The following SPPL3 variants were observed in gnomAD, a reference collection of about 807,000 sequenced individuals.
SPPL3 encodes signal peptide peptidase like 3.
SPPL3 carries 5 observed loss-of-function variants against 42.4 expected under a neutral mutation model. The observed-to-expected ratio is 0.12, with a 90% CI of 0.06 to 0.25. The LOEUF (loss-of-function observed/expected upper bound fraction) is 0.25, where lower values mean the gene tolerates loss of function less well. SPPL3 is among the 10% of genes least tolerant of loss of function. SPPL3 has a pLI of 1.00. For synonymous variants in SPPL3, 195 were observed against 181.8 expected, an observed-to-expected ratio of 1.07 and a Z score of -0.58; for missense variants, 235 against 489.0, an observed-to-expected ratio of 0.48 and a Z score of 4.90.
intron 1 of SPPL3, 119 bp downstream of exon 1, chr12:120,903,726 A>ACCCCCCCCCCCC: frequency 3.9e-6 from 2 of 509,674 alleles, no homozygotes; most frequent in African/African-American, 2.3e-5. Flanking sequence ...GTGCACCCCA[A>ACCCCCCCCCCCC]CCCGCGCCCC....
intron 2 of SPPL3, chr12:120,791,897 C>A (rs990179093): frequency 1.9e-5 from 5 of 261,510 alleles, no homozygotes; most frequent in Non-Finnish European, 3.7e-5. Flanking sequence ...ACATACCACA[C>A]AACTGTTCGC....
At chr12:120,867,784 T>A (rs1872800410) in intron 1 of SPPL3, among the ~76,000 whole-genome samples, 1 of 151,972 alleles carries the variant, frequency 6.6e-6, no homozygotes, top group Admixed American at 6.6e-5. Context: ...CTCGCTCTGT[T>A]GTCCAGGCTA....
At chr12:120,833,063 G>A (rs552846659) in intron 1 of SPPL3, among the ~76,000 whole-genome samples, 50 of 152,292 alleles carry the variant, frequency 3.3e-4, no homozygotes, top group Admixed American at 7.8e-4. Flanking sequence ...AAGCACTATA[G>A]GAGTTCAGAG....
chr12:120,845,283 A>T, intron 1 of SPPL3: 1 of 362,424 alleles, frequency 2.8e-6, no homozygotes, highest in South Asian at 2.5e-5. Context: ...GCTTGTTGGC[A>T]AACCCCAGGA....
Position 120,852,781 on chromosome 12 carries a change from T to TAC in SPPL3, c.24-41896_24-41895insGT, listed in dbSNP as rs1555252659. On this transcript the variant is annotated intron_variant, in intron 1 of 10. Coordinates refer to ENST00000353487, the MANE Select transcript of SPPL3 (RefSeq NM_139015.5). ...ATATCTATGTATATTATATATAAAA[T>TAC]ATATTTCATATATCATATATACATA... is the stretch of plus-strand genomic sequence containing the variant. Among the ~76,000 whole-genome samples the TAC allele has an allele frequency of 2.7e-3, 339 of 124,500 alleles. 13 individuals carry two copies. Among genetic ancestry groups the TAC allele is most frequent in the East Asian group, 8.8e-3 (40 of 4,558 alleles). The allele number at this position is 124,500 out of a possible 152,430, so 81.7% of individuals were successfully genotyped here. A position where few individuals can be genotyped will look rare whatever the true frequency, so the allele number is the denominator to read the frequency against.
At chr12:120,809,359 C>CA (rs200536809) in intron 2 of SPPL3, among the ~76,000 whole-genome samples, 1,911 of 151,194 alleles carry the variant, frequency 0.013, 58 homozygotes, top group African/African-American at 0.044. Flanking sequence ...AAAAAAACAC[C>CA]AAAAAAAACC....
intron 1 of SPPL3, among the ~76,000 whole-genome samples, chr12:120,855,426 G>A (rs1237828108): frequency 6.6e-6 from 1 of 152,074 alleles, no homozygotes; most frequent in East Asian, 1.9e-4. Flanking sequence ...TGTGGCTCAG[G>A]CCTGTAATCC....
intron 1 of SPPL3, among the ~76,000 whole-genome samples, chr12:120,885,618 T>C (rs1873429499): frequency 6.6e-6 from 1 of 152,162 alleles, no homozygotes; most frequent in Non-Finnish European, 1.5e-5. Context: ...AAGTTGTTTT[T>C]TTAATCCTCT....
rs904628 is a variant in SPPL3, at chr12:120,904,281, G to T, written c.-414C>A. ...GCGGCGGCGGCCGGGGGACATGGCC[G>T]GCGGGCGGAGGCGGCGGCGACTGAG... On this transcript the variant is annotated 5_prime_UTR_variant, in exon 1 of 11. Coordinates refer to ENST00000353487, the MANE Select transcript of SPPL3 (RefSeq NM_139015.5). 6.0e-6 allele frequency: 1 copy of T among 165,798 alleles called. No homozygotes were observed. Among genetic ancestry groups the T allele is most frequent in the Non-Finnish European group, 1.3e-5 (1 of 78,650 alleles). The allele number at this position is 165,798 out of a possible 1,614,324, so 10.3% of individuals were successfully genotyped here. A position where few individuals can be genotyped will look rare whatever the true frequency, so the allele number is the denominator to read the frequency against.
At chr12:120,825,224 TA>T (rs1871203564) in intron 1 of SPPL3, among the ~76,000 whole-genome samples, 1 of 152,222 alleles carries the variant, frequency 6.6e-6, no homozygotes, top group African/African-American at 2.4e-5. Context: ...AAAGTTTTAC[TA>T]AATTAATAAT....
intron 6 of SPPL3, among the ~76,000 whole-genome samples, chr12:120,771,518 T>G (rs1405851546): frequency 6.6e-6 from 1 of 151,174 alleles, no homozygotes; most frequent in African/African-American, 2.4e-5. Context: ...GCCCTTGTCT[T>G]ATTTTTCATT....
chr12:120,829,721 G>A (rs1871337856), intron 1 of SPPL3, among the ~76,000 whole-genome samples: 1 of 152,016 alleles, frequency 6.6e-6, no homozygotes, highest in African/African-American at 2.4e-5. Context: ...GAGGCTGGGT[G>A]TGGTGGCTCA....
chr12:120,823,011 TAAAC>T (rs1046487553), intron 1 of SPPL3, among the ~76,000 whole-genome samples: 36 of 151,258 alleles, frequency 2.4e-4, no homozygotes, highest in African/African-American at 8.5e-4. Context: ...GTTGCCAAAT[TAAAC>T]AGACAGGTGT....
chr12:120,845,439 TCCGAGCCG>T (rs1264259534), intron 1 of SPPL3: 1 of 407,644 alleles, frequency 2.5e-6, no homozygotes, highest in African/African-American at 2.1e-5. Context: ...CCGGATCTTG[TCCGAGCCG>T]CCCACGCCCC....
chr12:120,810,950 TA>T (rs1322947453), intron 1 of SPPL3, 64 bp from the exon 2 acceptor site: 2 of 1,228,004 alleles, frequency 1.6e-6, no homozygotes, highest in South Asian at 1.3e-5. Flanking sequence ...GCTTACAGTC[TA>T]ATGGAGTTCT....
chr12:120,862,764 TGG>T (rs1872648116), intron 1 of SPPL3, among the ~76,000 whole-genome samples: 1 of 152,142 alleles, frequency 6.6e-6, no homozygotes, highest in Admixed American at 6.5e-5. Flanking sequence ...ATTAAATCAC[TGG>T]CCTTTCCTGG....
chr12:120,883,238 G>C (rs147306154), intron 1 of SPPL3, among the ~76,000 whole-genome samples: 1 of 149,274 alleles, frequency 6.7e-6, no homozygotes, highest in African/African-American at 2.5e-5. Context: ...CTGGCAGGCA[G>C]AGCTTGCAGT....
At chr12:120,827,322 CA>C (rs1871255859) in intron 1 of SPPL3, among the ~76,000 whole-genome samples, 1 of 50,502 alleles carries the variant, frequency 2.0e-5, no homozygotes, top group Non-Finnish European at 3.6e-5. Context: ...GCTATAATAA[CA>C]GGAACAATAA....
rs576440033 is a variant in SPPL3 at position 120,877,321 on chromosome 12, T to C, written c.23+26524A>G. 5.3e-5 allele frequency among the ~76,000 whole-genome samples: 8 copies of C among 152,278 alleles called. No homozygotes were observed. In the East Asian group the frequency reaches 9.6e-4, roughly 18 times the overall value. On this transcript the variant is annotated intron_variant, in intron 1 of 10. Coordinates refer to ENST00000353487, the MANE Select transcript of SPPL3 (RefSeq NM_139015.5). ...AGAAAGAATTATCAATTCTACACCA[T>C]CTTCCAGAAGAGGACAGAAAACACT...
Sources: gnomAD v4.1 joint callset for allele counts (sites outside exome capture counted in the v4.1 genomes callset) on GRCh38, gnomAD v4.1.1 for gene constraint, MANE v1.5 for transcripts, NCBI Gene and HGNC (gene_info 2026-07-23, HGNC 2026-07-21) for gene names.